APLF: variants seen among roughly 807,000 people sequenced by gnomAD.
APLF encodes the protein aprataxin and PNK-like factor.
In APLF, 61 loss-of-function variants were observed where a neutral mutation model predicts 55.6. The ratio of observed to expected loss-of-function variants is 1.10; its 90% CI spans 0.89 to 1.36. The LOEUF (loss-of-function observed/expected upper bound fraction) is 1.36, where lower values mean the gene tolerates loss of function less well. Ranked by LOEUF, APLF falls within the 40% of genes most tolerant of loss-of-function variation. The pLI, the probability that APLF is intolerant of heterozygous loss-of-function variation, is 0.00. For synonymous variants in APLF, 207 were observed against 214.8 expected, an observed-to-expected ratio of 0.96 and a Z score of 0.32; for missense variants, 611 against 602.5, an observed-to-expected ratio of 1.01 and a Z score of -0.15.
intron 1 of APLF, among the ~76,000 whole-genome samples, chr2:68,479,306 C>G (rs1675879933): frequency 6.6e-6 from 1 of 152,186 alleles, no homozygotes; most frequent in Non-Finnish European, 1.5e-5. Flanking sequence ...AGCCATCAAG[C>G]CTGAAGCAGT....
chr2:68,541,893 T>A (rs1670562153), intron 7 of APLF, among the ~76,000 whole-genome samples: 1 of 152,146 alleles, frequency 6.6e-6, no homozygotes, highest in Non-Finnish European at 1.5e-5. Flanking sequence ...TAAAATGTAT[T>A]ACAAAGCCAC....
At position 68,467,670 on chromosome 2, in the gene APLF, G is replaced by A. The variant is rs1675470120; in HGVS notation, c.-62G>A. 2.5e-6 allele frequency: 3 copies of A among 1,204,794 alleles called. No individual in the cohort carries two copies. Among genetic ancestry groups the A allele is most frequent in the Middle Eastern group, 2.1e-4 (1 of 4,824 alleles). 74.6% of individuals were successfully genotyped at this position (1,204,794 alleles called of 1,614,324 possible). A position where few individuals can be genotyped will look rare whatever the true frequency, so the allele number is the denominator to read the frequency against. ...GCGTGGGCTTGCCCCGCGCGTGTCT[G>A]TGGAGGGCGGAAACAGCGGAGGGGC... On this transcript the variant is annotated 5_prime_UTR_variant, in exon 1 of 10. In the 5' UTR this introduces an upstream ATG that the reference lacks. Transcript: ENST00000303795.
intron 1 of APLF, among the ~76,000 whole-genome samples, chr2:68,471,021 A>G (rs1043599324): frequency 5.3e-5 from 8 of 152,200 alleles, no homozygotes; most frequent in African/African-American, 9.7e-5. Flanking sequence ...CTGCTCCAAC[A>G]TAGGTTTCTT....
intron 1 of APLF, among the ~76,000 whole-genome samples, chr2:68,485,170 C>T (rs1229641301): frequency 2.6e-5 from 4 of 151,944 alleles, no homozygotes; most frequent in Non-Finnish European, 4.4e-5. Context: ...TTTTGTACAT[C>T]GTTTTCAATA....
intron 7 of APLF, among the ~76,000 whole-genome samples, chr2:68,541,762 A>G (rs1047135994): frequency 2.0e-5 from 3 of 152,214 alleles, no homozygotes; most frequent in Non-Finnish European, 4.4e-5. Context: ...AATCTCTATC[A>G]AAATCCTAAT....
intron 6 of APLF, 71 bp downstream of exon 6, chr2:68,526,313 A>G: frequency 6.6e-7 from 1 of 1,511,734 alleles, no homozygotes; most frequent in South Asian, 1.2e-5. Context: ...ATCATATGCT[A>G]TATAAAGAGA....
In APLF at chr2:68,504,435, C is replaced by CT. The variant is rs1389974598; in HGVS notation, c.341+1533dup. 5.9e-5 allele frequency among the ~76,000 whole-genome samples: 9 copies of CT among 151,946 alleles called. No homozygotes were observed. The South Asian group carries it at 1.7e-3, about 28-fold the overall frequency. On this transcript the variant is annotated intron_variant, in intron 3 of 9. Transcript: ENST00000303795. The stretch of plus-strand genomic sequence containing the variant: ...AGCAATATGTAAAAAGGATAATACT[C>CT]TATTACCAAGTGGGGCTTGTCCAAG...
At chr2:68,495,534 G>A (rs919020089) in intron 2 of APLF, among the ~76,000 whole-genome samples, 1 of 152,222 alleles carries the variant, frequency 6.6e-6, no homozygotes, top group Non-Finnish European at 1.5e-5. Flanking sequence ...CTCTGAGGCT[G>A]CTCTCACAGG....
intron 1 of APLF, among the ~76,000 whole-genome samples, chr2:68,479,300 A>G (rs1404236901): frequency 1.3e-5 from 2 of 152,250 alleles, no homozygotes; most frequent in African/African-American, 4.8e-5. Flanking sequence ...CATGAAAGCC[A>G]TCAAGCCTGA....
chr2:68,517,633 A>G (rs1669659975), intron 5 of APLF, among the ~76,000 whole-genome samples: 1 of 118,750 alleles, frequency 8.4e-6, no homozygotes, highest in South Asian at 2.6e-4. Flanking sequence ...AACATGTAAC[A>G]ATATATCACT....
At position 68,529,999 on chromosome 2, in the gene APLF, C is replaced by T. The variant is rs1670203293; in HGVS notation, c.804+3757C>T. 6.6e-6 allele frequency among the ~76,000 whole-genome samples: 1 copy of T among 152,342 alleles called. No homozygotes were observed. The highest frequency in any genetic ancestry group is 1.5e-5 in the Non-Finnish European group (1 of 68,022). On this transcript the variant is annotated intron_variant, in intron 6 of 9. Transcript: ENST00000303795. This position sits in a 1 kb window ranked among gnomAD's most constrained non-coding sequence, Gnocchi z 4.4. ...CCATGGCTGCTGTGGCCTCAAGGGC[C>T]ACCAGCCTCGCTCCGCAGGTTTCCA...
intron 6 of APLF, among the ~76,000 whole-genome samples, chr2:68,527,863 T>C (rs1342668228): frequency 0.031 from 2,061 of 65,438 alleles, no homozygotes; most frequent in Middle Eastern, 0.093. Flanking sequence ...GACGGTGGAG[T>C]AGCCGGGCAG....
At chr2:68,512,123 T>C (rs891864200) in intron 3 of APLF, among the ~76,000 whole-genome samples, 1 of 151,714 alleles carries the variant, frequency 6.6e-6, no homozygotes, top group African/African-American at 2.4e-5. Flanking sequence ...AATGATAATA[T>C]AGTCATTTAA....
At chr2:68,476,809 A>G (rs1247143641) in intron 1 of APLF, among the ~76,000 whole-genome samples, 1 of 152,192 alleles carries the variant, frequency 6.6e-6, no homozygotes, top group Non-Finnish European at 1.5e-5. Flanking sequence ...TGATGAATAC[A>G]TCCTGGAAAT....
At chr2:68,528,079 C>G (rs1482154959) in intron 6 of APLF, among the ~76,000 whole-genome samples, 1 of 152,100 alleles carries the variant, frequency 6.6e-6, no homozygotes, top group East Asian at 1.9e-4. Context: ...AGCAGAGGCG[C>G]TCCTCACTTC....
At chr2:68,483,120 C>T (rs183328407) in intron 1 of APLF, among the ~76,000 whole-genome samples, 1 of 152,106 alleles carries the variant, frequency 6.6e-6, no homozygotes, top group Non-Finnish European at 1.5e-5. Context: ...CAGAGCAGGA[C>T]GCCCTCCAGC....
At chr2:68,542,653 A>G (rs1279410360) in intron 7 of APLF, among the ~76,000 whole-genome samples, 1 of 152,212 alleles carries the variant, frequency 6.6e-6, no homozygotes, top group Non-Finnish European at 1.5e-5. Flanking sequence ...ATGAAAAACA[A>G]GTAACAATTG....
At chr2:68,506,469 C>T (rs1395125231) in intron 3 of APLF, among the ~76,000 whole-genome samples, 1 of 151,856 alleles carries the variant, frequency 6.6e-6, no homozygotes, top group Non-Finnish European at 1.5e-5. Flanking sequence ...TTTGAACTAG[C>T]TCTGTTTTGC....
At chr2:68,494,980 G>A (rs1261886468) in intron 2 of APLF, among the ~76,000 whole-genome samples, 1 of 152,092 alleles carries the variant, frequency 6.6e-6, no homozygotes, top group East Asian at 1.9e-4. Flanking sequence ...GAGAACTCAT[G>A]CACTATTTGG....
Sources: allele counts gnomAD v4.1 joint callset (sites outside exome capture counted in the v4.1 genomes callset), GRCh38; gene constraint gnomAD v4.1.1; non-coding constraint Gnocchi (gnomAD v3.1); transcripts MANE v1.5; gene names NCBI Gene and HGNC (gene_info 2026-07-23, HGNC 2026-07-21).